ZC3H12B: variants seen among roughly 807,000 people sequenced by gnomAD.
The protein encoded by ZC3H12B is zinc finger CCCH-type containing 12B, also known as probable ribonuclease ZC3H12B.
ZC3H12B carries 7 observed loss-of-function variants against 43.9 expected under a neutral mutation model. The ratio of observed to expected loss-of-function variants is 0.16; its 90% CI spans 0.09 to 0.30. The LOEUF is 0.30. Among genes scored for constraint, ZC3H12B ranks in the 10% least tolerant of loss-of-function variants. The pLI is 1.00. For missense variants in ZC3H12B, 475 were observed against 670.2 expected (o/e 0.71, Z 3.22); for synonymous variants, 222 against 241.7 (o/e 0.92, Z 0.76).
the ZC3H12B span, among the ~76,000 whole-genome samples, chrX:65,209,646 G>C: frequency 6.4e-5 from 7 of 110,033 alleles, no homozygotes; most frequent in Admixed American, 2.0e-4. Context: ...TGAAAAAAAT[G>C]TATATTCTGT....
the ZC3H12B span, among the ~76,000 whole-genome samples, chrX:65,058,883 G>T: frequency 8.9e-6 from 1 of 112,257 alleles, no homozygotes; most frequent in African/African-American, 3.2e-5. Context: ...GCCAGGCGCG[G>T]GATATAATCT....
the ZC3H12B span, among the ~76,000 whole-genome samples, chrX:65,223,266 T>A: frequency 9.1e-6 from 1 of 110,083 alleles, no homozygotes; most frequent in South Asian, 3.8e-4. Context: ...TGCAGATCAC[T>A]GCACTCCAGC....
chrX:65,085,710 T>TAA, the ZC3H12B span, among the ~76,000 whole-genome samples: 1 of 109,775 alleles, frequency 9.1e-6, no homozygotes, highest in Non-Finnish European at 1.9e-5. Flanking sequence ...TGTTCAAAGT[T>TAA]ACAGTGAGCT....
chrX:65,280,052 A>T, the ZC3H12B span, among the ~76,000 whole-genome samples: 1 of 112,416 alleles, frequency 8.9e-6, no homozygotes, highest in African/African-American at 3.2e-5. Flanking sequence ...AACTCATTTT[A>T]TGAAGCCAGC....
chrX:65,363,273 C>T (rs761692598), upstream of ZC3H12B, among the ~76,000 whole-genome samples: 42 of 111,152 alleles, frequency 3.8e-4, no homozygotes, highest in African/African-American at 1.4e-3. Flanking sequence ...GGGTATCCCC[C>T]TCCAAAGCTC....
the ZC3H12B span, among the ~76,000 whole-genome samples, chrX:65,109,071 AG>A: frequency 1.8e-5 from 2 of 111,761 alleles, no homozygotes; most frequent in South Asian, 3.7e-4. Flanking sequence ...TTCAGGTACT[AG>A]TACAATTCAA....
chrX:65,070,893 A>G, the ZC3H12B span, among the ~76,000 whole-genome samples: 1 of 102,248 alleles, frequency 9.8e-6, no homozygotes. Context: ...TAGAGTATGC[A>G]TCATGTGGCA....
chrX:65,119,215 G>A, the ZC3H12B span, among the ~76,000 whole-genome samples: 1 of 111,493 alleles, frequency 9.0e-6, no homozygotes, highest in African/African-American at 3.3e-5. Flanking sequence ...GATCCCTGAG[G>A]AATCGCCACA....
chrX:65,396,210 T>G (rs1271529222), intron 2 of ZC3H12B, among the ~76,000 whole-genome samples: 4 of 111,950 alleles, frequency 3.6e-5, no homozygotes, highest in Non-Finnish European at 7.5e-5. Flanking sequence ...TAGTTATTTC[T>G]TGTCTTCTGC....
At chrX:65,351,577 G>A in the ZC3H12B span, among the ~76,000 whole-genome samples, 2 of 112,220 alleles carry the variant, frequency 1.8e-5, no homozygotes, top group African/African-American at 3.2e-5. Flanking sequence ...ATCTGACAAA[G>A]GGCTAATATC....
At chrX:65,080,362 A>G in the ZC3H12B span, among the ~76,000 whole-genome samples, 1 of 110,918 alleles carries the variant, frequency 9.0e-6, no homozygotes, top group African/African-American at 3.3e-5. Context: ...AGATATTAAT[A>G]TCCAAATACA....
chrX:65,304,407 G>A, the ZC3H12B span, among the ~76,000 whole-genome samples: 7 of 111,540 alleles, frequency 6.3e-5, no homozygotes, highest in East Asian at 2.0e-3. Context: ...ACGAGGTCAG[G>A]AGATCGAGAC....
chrX:65,483,788 T>G (rs1426133682), upstream of ZC3H12B, among the ~76,000 whole-genome samples: 1 of 112,388 alleles, frequency 8.9e-6, no homozygotes, highest in Non-Finnish European at 1.9e-5. Context: ...GAATTTGTTC[T>G]CTTAGAAGCT....
intron 2 of ZC3H12B, among the ~76,000 whole-genome samples, chrX:65,389,657 C>A (rs1002424151): frequency 1.8e-5 from 2 of 112,611 alleles, no homozygotes; most frequent in African/African-American, 6.5e-5. Context: ...CACTTTCCAA[C>A]ACTCCCCAGT....
chrX:65,183,712 T>G, the ZC3H12B span, among the ~76,000 whole-genome samples: 1 of 111,719 alleles, frequency 9.0e-6, no homozygotes, highest in Non-Finnish European at 1.9e-5. Context: ...GGTTTGGTTG[T>G]TTGTTATCTG....
intron 1 of ZC3H12B, 115 bp downstream of exon 6, chrX:65,489,524 T>C: frequency 1.1e-6 from 1 of 909,936 alleles, no homozygotes; most frequent in Non-Finnish European, 1.5e-6. Context: ...TGGCGTGTGT[T>C]TCTGAAGGTG....
the ZC3H12B span, among the ~76,000 whole-genome samples, chrX:65,277,482 A>G: frequency 1.8e-5 from 2 of 111,896 alleles, no homozygotes; most frequent in Admixed American, 1.9e-4. Context: ...ACAAGTTTCA[A>G]AAAAAATTTA....
chrX:65,149,764 AAATAATAATAATAAT>A, the ZC3H12B span, among the ~76,000 whole-genome samples: 5,413 of 85,244 alleles, frequency 0.064, 429 homozygotes, highest in African/African-American at 0.21. Context: ...ACTTAATCTC[AAATAATAATAATAAT>A]AATAATAATA....
chrX:65,483,556 G>T (rs1297090685), intron 3 of ZC3H12B, among the ~76,000 whole-genome samples: 2 of 111,318 alleles, frequency 1.8e-5, no homozygotes, highest in Non-Finnish European at 3.8e-5. Flanking sequence ...TGACACCGGG[G>T]ATTGGAGATG....
Sources: gnomAD v4.1 joint callset for allele counts (sites outside exome capture counted in the v4.1 genomes callset) on GRCh38, gnomAD v4.1.1 for gene constraint, MANE v1.5 for transcripts, NCBI Gene and HGNC (gene_info 2026-07-23, HGNC 2026-07-21) for gene names.